The following TRPM3 variants were observed in gnomAD, a reference collection of about 807,000 sequenced individuals.
The protein encoded by TRPM3 is long transient receptor potential channel 3.
TRPM3 carries 77 observed loss-of-function variants against 181.2 expected under a neutral mutation model. The observed-to-expected ratio is 0.42, with a 90% CI of 0.35 to 0.51. The LOEUF is 0.51. TRPM3 is among the 20% of genes least tolerant of loss of function. TRPM3 has a pLI of 0.01. For missense variants in TRPM3, 1,759 were observed against 2,196.7 expected (o/e 0.80, Z 3.98); for synonymous variants, 745 against 796.4 (o/e 0.94, Z 1.09).
chr9:70,577,658 C>G (rs1007921529), intron 22 of TRPM3, among the ~76,000 whole-genome samples: 1 of 152,208 alleles, frequency 6.6e-6, no homozygotes, highest in Non-Finnish European at 1.5e-5. Flanking sequence ...TTAAGTACGA[C>G]TGCCATACAT....
Position 70,549,679 on chromosome 9 carries a change from G to GT in TRPM3, c.3575-6_3575-5insA. ...CATCATCGGTTATGAAGAGTTCTGTGGAAAAAAAAAAAAAGGAAGTCTTGA... is the reference window on the plus strand; with the variant it reads ...CATCATCGGTTATGAAGAGTTCTGTGTGAAAAAAAAAAAAAGGAAGTCTTGA... On this transcript the variant is annotated splice_region_variant and splice_polypyrimidine_tract_variant and intron_variant, in intron 24 of 25. Transcript: ENST00000677713. 6.4e-7 allele frequency: 1 copy of GT among 1,564,346 alleles called. No homozygotes were observed. The highest frequency in any genetic ancestry group is 8.6e-7 in the Non-Finnish European group (1 of 1,164,578).
intron 1 of TRPM3, among the ~76,000 whole-genome samples, chr9:71,015,115 G>T (rs1187663721): frequency 6.6e-6 from 1 of 152,056 alleles, no homozygotes; most frequent in East Asian, 1.9e-4. Flanking sequence ...AGTCAGATGG[G>T]CTCACTCTCC....
At position 70,913,536 on chromosome 9, in the gene TRPM3, A is replaced by G. The variant is rs139419937; in HGVS notation, c.178-49025T>C. Among the ~76,000 whole-genome samples, 393 of 152,358 alleles carry G rather than the reference A, an allele frequency of 2.6e-3. 2 individuals carry two copies. Among genetic ancestry groups the G allele is most frequent in the African/African-American group, 9.0e-3 (374 of 41,588 alleles). On this transcript the variant is annotated intron_variant, in intron 1 of 25. Transcript: ENST00000677713. The stretch of plus-strand genomic sequence containing the variant: ...CAAGTTCAAAACTACCAGAGGGAAA[A>G]GCTGCTGCTAAAATATGCAAGAGTT...
chr9:70,831,996 T>TATAC (rs1478614912), intron 5 of TRPM3, among the ~76,000 whole-genome samples: 1 of 123,670 alleles, frequency 8.1e-6, no homozygotes, highest in Non-Finnish European at 1.6e-5. Context: ...TATATATATA[T>TATAC]ACCTACTATG....
intron 1 of TRPM3, among the ~76,000 whole-genome samples, chr9:71,244,704 G>A (rs2081934444): frequency 6.6e-6 from 1 of 152,124 alleles, no homozygotes; most frequent in South Asian, 2.1e-4. Flanking sequence ...TTTCTTTCCA[G>A]CAAATGTTGA....
intron 1 of TRPM3, among the ~76,000 whole-genome samples, chr9:70,986,013 T>A (rs2097417899): frequency 6.6e-6 from 1 of 152,150 alleles, no homozygotes; most frequent in Non-Finnish European, 1.5e-5. Context: ...GAAAATATAC[T>A]TTGTGGGTCT....
chr9:70,784,922 C>T (rs960566040), intron 6 of TRPM3, among the ~76,000 whole-genome samples: 14 of 152,136 alleles, frequency 9.2e-5, no homozygotes, highest in Admixed American at 3.9e-4. Context: ...AGTGCAGTGG[C>T]ACAATCTCAG....
chr9:71,006,581 G>T (rs144498201), intron 1 of TRPM3, among the ~76,000 whole-genome samples: 480 of 152,124 alleles, frequency 3.2e-3, no homozygotes, highest in Non-Finnish European at 4.3e-3. Flanking sequence ...TGATAAAATG[G>T]ACTTTAAGCC....
intron 1 of TRPM3, among the ~76,000 whole-genome samples, chr9:70,920,740 G>T (rs917295253): frequency 2.0e-5 from 3 of 152,096 alleles, no homozygotes; most frequent in African/African-American, 7.2e-5. Flanking sequence ...AATGCCAAAA[G>T]AAGATAGTAC....
chr9:71,153,859 C>T (rs779616218), intron 1 of TRPM3, among the ~76,000 whole-genome samples: 6 of 152,112 alleles, frequency 3.9e-5, no homozygotes, highest in Non-Finnish European at 8.8e-5. Flanking sequence ...GTACAGTGAG[C>T]ATCTTCCTTT....
At chr9:70,686,266 A>G (rs2066735963) in intron 8 of TRPM3, among the ~76,000 whole-genome samples, 1 of 152,164 alleles carries the variant, frequency 6.6e-6, no homozygotes, top group African/African-American at 2.4e-5. Flanking sequence ...ATTTTATTAT[A>G]TGCATGTACC....
intron 1 of TRPM3, among the ~76,000 whole-genome samples, chr9:70,939,685 A>T (rs1265464636): frequency 6.6e-6 from 1 of 152,248 alleles, no homozygotes; most frequent in African/African-American, 2.4e-5. Context: ...AAGGAGAGAT[A>T]GCTCAATCTT....
At chr9:71,391,500 A>G (rs1231367487) in intron 1 of TRPM3, among the ~76,000 whole-genome samples, 1 of 152,032 alleles carries the variant, frequency 6.6e-6, no homozygotes, top group African/African-American at 2.4e-5. Flanking sequence ...TTTATTCTTC[A>G]TATGCCCAGA....
intron 1 of TRPM3, among the ~76,000 whole-genome samples, chr9:71,096,629 CT>C (rs1478231741): frequency 1.3e-5 from 2 of 150,744 alleles, no homozygotes; most frequent in South Asian, 2.1e-4. Context: ...CTCTCTCCCC[CT>C]CTCCCTCAAA....
rs534123206 is a variant in TRPM3 at position 70,832,295 on chromosome 9, T to TA, written c.802-4278dup. 4.9e-3 allele frequency among the ~76,000 whole-genome samples: 742 copies of TA among 151,550 alleles called. 8 individuals carry two copies. Among genetic ancestry groups the TA allele is most frequent in the African/African-American group, 0.017 (706 of 41,302 alleles). On this transcript the variant is annotated intron_variant, in intron 5 of 25. Transcript: ENST00000677713. The stretch of plus-strand genomic sequence containing the variant: ...TACCCTAAAACTTAAAGTATAATAA[T>TA]AAAAAAAATAGTAGTATGTATATCT...
At chr9:70,832,574 G>T (rs1296697734) in intron 5 of TRPM3, among the ~76,000 whole-genome samples, 1 of 152,136 alleles carries the variant, frequency 6.6e-6, no homozygotes, top group African/African-American at 2.4e-5. Flanking sequence ...GAGGTGAAAG[G>T]AGGCAAAAGC....
chr9:70,572,555 G>T (rs906249406), intron 22 of TRPM3, among the ~76,000 whole-genome samples: 2 of 151,946 alleles, frequency 1.3e-5, no homozygotes, highest in African/African-American at 4.8e-5. Context: ...CATTTTTTAT[G>T]ACTTTGGCAC....
intron 1 of TRPM3, among the ~76,000 whole-genome samples, chr9:71,341,525 A>G (rs1336055114): frequency 6.6e-6 from 1 of 152,130 alleles, no homozygotes; most frequent in Non-Finnish European, 1.5e-5. Context: ...ATTTTAAAAA[A>G]TGAGTGACAA....
At chr9:70,947,878 G>T (rs1249837082) in intron 1 of TRPM3, among the ~76,000 whole-genome samples, 1 of 152,098 alleles carries the variant, frequency 6.6e-6, no homozygotes, top group African/African-American at 2.4e-5. Context: ...CACATGAACA[G>T]GTATTCCTAG....
Sources: allele counts gnomAD v4.1 joint callset (sites outside exome capture counted in the v4.1 genomes callset), GRCh38; gene constraint gnomAD v4.1.1; transcripts MANE v1.5; gene names NCBI Gene and HGNC (gene_info 2026-07-23, HGNC 2026-07-21).